Variants in USP45 observed in about 807,000 individuals in gnomAD.
USP45 encodes the protein ubiquitin specific peptidase 45.
A neutral mutation model predicts 95.8 loss-of-function variants in USP45; 89 were observed. The observed-to-expected ratio is 0.93, with a 90% CI of 0.78 to 1.11. USP45 has a LOEUF of 1.11. Ranked by LOEUF, USP45 falls within the 50% of genes least tolerant of loss-of-function variation. The pLI, the probability that USP45 is intolerant of heterozygous loss-of-function variation, is 0.00. For missense variants in USP45, 898 were observed against 942.5 expected (o/e 0.95, Z 0.62); for synonymous variants, 281 against 316.2 (o/e 0.89, Z 1.18).
chr6:99,505,476 G>A (rs1419762218), intron 4 of USP45, among the ~76,000 whole-genome samples: 1 of 151,884 alleles, frequency 6.6e-6, no homozygotes, highest in African/African-American at 2.4e-5. Flanking sequence ...GACTGGCCTG[G>A]CCAATATGGT....
At chr6:99,464,906 C>T in intron 12 of USP45, 159 bp from the exon 13 acceptor site, 1 of 1,003,882 alleles carries the variant, frequency 1.0e-6, no homozygotes, top group East Asian at 2.7e-5. Context: ...TAAAAACCAT[C>T]ATACTTTATG....
In USP45 at chr6:99,488,232, G is replaced by T; in HGVS notation, c.682C>A (p.Leu228Ile). ...MNEIKESSTK[L>I]KIFPSSDSQL... ...GAGTCTGAGGAAGGAAAAATCTTGA[G>T]TTTTGTACTACTTTCTTTGATCTCA... The change falls in exon 7 of 18, where the codon CTC (leucine) becomes ATC (isoleucine). Residue 228 changes from leucine to isoleucine, a missense_variant. Leu to Ile is a conservative substitution (Grantham distance 5). Transcript: ENST00000500704. The T allele has an allele frequency of 6.2e-7, 1 of 1,612,618 alleles. No individual in the cohort carries two copies. The highest frequency in any genetic ancestry group is 8.5e-7 in the Non-Finnish European group (1 of 1,179,370).
intron 13 of USP45, among the ~76,000 whole-genome samples, chr6:99,454,127 T>C (rs929440353): frequency 2.0e-5 from 3 of 152,158 alleles, no homozygotes; most frequent in East Asian, 3.9e-4. Context: ...AACAGACACA[T>C]AGACCAGTGC....
chr6:99,472,193 T>A (rs1420485872), intron 9 of USP45, among the ~76,000 whole-genome samples: 2 of 151,162 alleles, frequency 1.3e-5, no homozygotes, highest in Non-Finnish European at 2.9e-5. Flanking sequence ...TTTTAATCCA[T>A]TCACATGACT....
At chr6:99,495,225 C>A (rs1230416008) in intron 5 of USP45, among the ~76,000 whole-genome samples, 1 of 152,128 alleles carries the variant, frequency 6.6e-6, no homozygotes, top group African/African-American at 2.4e-5. Context: ...AAAAATTTCA[C>A]CTACAAAATA....
intron 5 of USP45, among the ~76,000 whole-genome samples, chr6:99,500,766 C>T (rs368629614): frequency 6.8e-4 from 104 of 152,216 alleles, no homozygotes; most frequent in African/African-American, 2.3e-3. Context: ...ATTGGAGCTA[C>T]GACTAGTATG....
intron 5 of USP45, among the ~76,000 whole-genome samples, chr6:99,498,185 G>C (rs1376992571): frequency 4.6e-5 from 7 of 152,096 alleles, no homozygotes; most frequent in Admixed American, 4.6e-4. Context: ...AACATCTAAT[G>C]CAGCATCTGG....
chr6:99,487,633 CAAAAAAA>C (rs11335830), intron 7 of USP45, among the ~76,000 whole-genome samples: 2 of 106,374 alleles, frequency 1.9e-5, no homozygotes, highest in Non-Finnish European at 1.9e-5. Flanking sequence ...ACTAAAAATA[CAAAAAAA>C]AAAAAAAAAA....
chr6:99,457,512 T>C (rs1311101742), intron 13 of USP45, among the ~76,000 whole-genome samples: 3 of 152,230 alleles, frequency 2.0e-5, no homozygotes, highest in Non-Finnish European at 4.4e-5. Context: ...TTGATCATGA[T>C]ACATTCTATG....
At chr6:99,451,852 A>C (rs1425318313) in intron 13 of USP45, among the ~76,000 whole-genome samples, 2 of 152,250 alleles carry the variant, frequency 1.3e-5, no homozygotes, top group Non-Finnish European at 2.9e-5. Context: ...ATGGAACAGA[A>C]CAGAACCCGC....
At chr6:99,510,651 T>C (rs9402854) in intron 1 of USP45, among the ~76,000 whole-genome samples, 78,486 of 151,876 alleles carry the variant, frequency 0.52, 21,416 homozygotes, top group Middle Eastern at 0.69. Context: ...TGGCCATCTA[T>C]AAACCAGGAA....
Position 99,457,242 on chromosome 6 carries a change from C to T in USP45, c.1308+7362G>A, listed in dbSNP as rs149001292. Among the ~76,000 whole-genome samples, 292 of 152,280 alleles carry T rather than the reference C, an allele frequency of 1.9e-3. 2 individuals are homozygous for T. The highest frequency in any genetic ancestry group is 6.7e-3 in the African/African-American group (279 of 41,544). On this transcript the variant is annotated intron_variant, in intron 13 of 17. Transcript: ENST00000500704. ...CACTTGCCTTGTGATATTCTATTAC[C>T]TTGTAAAGTACTTGATGTCTGTGAC... is the stretch of plus-strand genomic sequence containing the variant.
intron 1 of USP45, chr6:99,515,035 C>T: frequency 6.6e-6 from 1 of 152,446 alleles, no homozygotes; most frequent in Non-Finnish European, 1.5e-5. Context: ...AGGCTTCCTC[C>T]GGTCACCAAC....
intron 1 of USP45, among the ~76,000 whole-genome samples, chr6:99,513,000 C>T (rs1353254909): frequency 6.6e-6 from 1 of 152,112 alleles, no homozygotes; most frequent in Non-Finnish European, 1.5e-5. Context: ...TACAGCAGGG[C>T]AGGGAGAAGT....
At chr6:99,490,514 G>GT (rs896864063) in intron 5 of USP45, among the ~76,000 whole-genome samples, 59 of 151,616 alleles carry the variant, frequency 3.9e-4, no homozygotes, top group African/African-American at 1.3e-3. Context: ...ACAATTACAT[G>GT]TTTTTTTCAC....
chr6:99,508,652 T>C lies in USP45; in HGVS notation c.231A>G (p.Val77=). ...KERRFYDGQL[V]LTSDIWLCLK... ...GGCACAACCAAATATCAGAAGTAAGTACTAGCTGCCCATCATAGAATCTTC... is the reference window on the plus strand; with the variant it reads ...GGCACAACCAAATATCAGAAGTAAGCACTAGCTGCCCATCATAGAATCTTC... Residue 77 remains valine, a synonymous_variant, in exon 3 of 18, where the codon GTA becomes GTG. Transcript: ENST00000500704. The C allele has an allele frequency of 1.2e-6, 2 of 1,613,838 alleles. No individual in the cohort carries two copies.
chr6:99,484,789 C>CA (rs754506826), intron 7 of USP45, among the ~76,000 whole-genome samples: 5,262 of 88,710 alleles, frequency 0.059, 144 homozygotes, highest in Non-Finnish European at 0.081. Flanking sequence ...AGACTGTCTC[C>CA]AAAAAAAAAA....
intron 5 of USP45, among the ~76,000 whole-genome samples, chr6:99,494,955 T>C (rs894520254): frequency 2.6e-5 from 4 of 152,072 alleles, no homozygotes; most frequent in Non-Finnish European, 5.9e-5. Flanking sequence ...AACTCAAAAG[T>C]ACCAGCAAAT....
chr6:99,465,241 C>G (rs553025343), intron 11 of USP45, 105 bp from the exon 12 acceptor site: 4 of 836,420 alleles, frequency 4.8e-6, no homozygotes, highest in Non-Finnish European at 7.1e-6. Flanking sequence ...TAAAATTTTA[C>G]GTTAAAAACT....
Sources: gnomAD v4.1 joint callset for allele counts (sites outside exome capture counted in the v4.1 genomes callset) on GRCh38, gnomAD v4.1.1 for gene constraint, MANE v1.5 for transcripts, NCBI Gene and HGNC (gene_info 2026-07-23, HGNC 2026-07-21) for gene names.